Variants in BCAT1 observed in about 807,000 individuals in gnomAD.
BCAT1 encodes the protein branched chain amino acid transaminase 1.
A neutral mutation model predicts 52.4 loss-of-function variants in BCAT1; 48 were observed. The observed-to-expected ratio is 0.92, with a 90% CI of 0.73 to 1.16. The LOEUF (loss-of-function observed/expected upper bound fraction) is 1.16, where lower values mean the gene tolerates loss of function less well. Among genes scored for constraint, BCAT1 ranks in the 50% most tolerant of loss-of-function variants. The probability of loss-of-function intolerance (pLI) is 0.00; values close to 1 mark genes in which losing one functional copy is unlikely to be tolerated. For synonymous variants in BCAT1, 167 were observed against 161.3 expected, an observed-to-expected ratio of 1.04 and a Z score of -0.27; for missense variants, 451 against 457.1, an observed-to-expected ratio of 0.99 and a Z score of 0.12.
intron 1 of BCAT1, among the ~76,000 whole-genome samples, chr12:24,904,993 A>G (rs1478660384): frequency 6.6e-6 from 1 of 152,224 alleles, no homozygotes; most frequent in African/African-American, 2.4e-5. Context: ...CAGAAATCTG[A>G]AAGATTAAAG....
intron 4 of BCAT1, 132 bp from the exon 5 acceptor site, chr12:24,878,781 G>T: frequency 4.6e-6 from 4 of 868,654 alleles, no homozygotes; most frequent in Non-Finnish European, 6.6e-6. Context: ...AATGTTTGAG[G>T]TGATGGATAT....
At chr12:24,892,415 A>C (rs530787836) in intron 3 of BCAT1, among the ~76,000 whole-genome samples, 20 of 152,260 alleles carry the variant, frequency 1.3e-4, no homozygotes, top group East Asian at 1.9e-4. Context: ...CAATTCCCAA[A>C]ATGTGGTCCC....
chr12:24,918,446 T>A (rs780153657), intron 1 of BCAT1, among the ~76,000 whole-genome samples: 1 of 152,178 alleles, frequency 6.6e-6, no homozygotes, highest in Non-Finnish European at 1.5e-5. Flanking sequence ...CATATCCATA[T>A]AAATATAACT....
At position 24,903,092 on chromosome 12, in the gene BCAT1, T is replaced by C. The variant is rs1943161149; in HGVS notation, c.7-1207A>G. The C allele has an allele frequency of 2.9e-6, 4 of 1,368,728 alleles. No homozygotes were observed. The South Asian group carries it at 5.1e-5, about 17-fold the overall frequency. The allele number at this position is 1,368,728 out of a possible 1,614,324, so 84.8% of individuals were successfully genotyped here. On this transcript the variant is annotated intron_variant, in intron 1 of 10. Transcript: ENST00000261192. ...TGGCCAAGCCCCGGCGCACGGCCCA[T>C]AGGGCGCTGGGTACCACGACCTGGG...
chr12:24,836,902 G>GAA (rs1225066172), intron 7 of BCAT1, among the ~76,000 whole-genome samples: 1 of 20,194 alleles, frequency 5.0e-5, no homozygotes, highest in African/African-American at 1.9e-4. Context: ...AGAAAGAAAA[G>GAA]AAAGAGAGAA....
chr12:24,902,993 A>G, intron 1 of BCAT1: 2 of 1,465,856 alleles, frequency 1.4e-6, no homozygotes, highest in South Asian at 1.3e-5. Flanking sequence ...GGCCATGGGG[A>G]GGCTGCGGGG....
chr12:24,863,980 A>C (rs888295353), intron 5 of BCAT1, among the ~76,000 whole-genome samples: 35 of 152,182 alleles, frequency 2.3e-4, no homozygotes, highest in Non-Finnish European at 4.1e-4. Context: ...GAATGATTCC[A>C]AATCAGGAGT....
intron 5 of BCAT1, among the ~76,000 whole-genome samples, chr12:24,867,209 T>A (rs534114748): frequency 6.6e-6 from 1 of 151,954 alleles, no homozygotes; most frequent in South Asian, 2.1e-4. Flanking sequence ...AGGAACAAAC[T>A]CCAGACACGA....
intron 1 of BCAT1, among the ~76,000 whole-genome samples, chr12:24,924,775 T>C (rs1943554577): frequency 6.6e-6 from 1 of 152,220 alleles, no homozygotes; most frequent in South Asian, 2.1e-4. Context: ...AAATTATATA[T>C]GAACCAGATA....
At chr12:24,941,280 T>C (rs1943844318) in intron 1 of BCAT1, among the ~76,000 whole-genome samples, 1 of 152,224 alleles carries the variant, frequency 6.6e-6, no homozygotes, top group Non-Finnish European at 1.5e-5. Flanking sequence ...CTATATGAGT[T>C]TGGCAATGGG....
intron 6 of BCAT1, among the ~76,000 whole-genome samples, chr12:24,849,534 C>A (rs185962230): frequency 6.6e-6 from 1 of 152,226 alleles, no homozygotes; most frequent in African/African-American, 2.4e-5. Context: ...CAGTGTTTCT[C>A]CCTTACAAAG....
At chr12:24,840,936 G>C (rs538952417) in intron 7 of BCAT1, among the ~76,000 whole-genome samples, 2 of 152,030 alleles carry the variant, frequency 1.3e-5, no homozygotes, top group Admixed American at 6.5e-5. Context: ...CTAAAAATAC[G>C]CTTCTAAATT....
rs1193425549 is a variant in BCAT1 at position 24,816,338 on chromosome 12, G to A, written c.*1670C>T. ...ATGTTCAGCAAGAAGGAAGTTATGA[G>A]GACTGAGGGAAACCAAAATACAATG... is the stretch of plus-strand genomic sequence containing the variant. On this transcript the variant is annotated 3_prime_UTR_variant, in exon 11 of 11. Transcript: ENST00000261192. 1 of 394,616 alleles carries A rather than the reference G, an allele frequency of 2.5e-6. No homozygotes were observed. The highest frequency in any genetic ancestry group is 3.6e-5 in the East Asian group (1 of 27,928). The allele number at this position is 394,616 out of a possible 1,614,324, so 24.4% of individuals were successfully genotyped here. A position where few individuals can be genotyped will look rare whatever the true frequency, so the allele number is the denominator to read the frequency against.
intron 10 of BCAT1, among the ~76,000 whole-genome samples, chr12:24,821,127 AG>A (rs1483575213): frequency 1.3e-5 from 2 of 152,322 alleles, no homozygotes; most frequent in East Asian, 3.9e-4. Flanking sequence ...TTGGTAGGGA[AG>A]GGGGTGGAGC....
intron 1 of BCAT1, among the ~76,000 whole-genome samples, chr12:24,908,233 T>G (rs960513452): frequency 9.2e-5 from 14 of 152,206 alleles, no homozygotes; most frequent in Non-Finnish European, 1.9e-4. Flanking sequence ...TGTCTTCCCT[T>G]GTACAGTCAT....
upstream of BCAT1, chr12:24,949,193 G>A (rs1187789430): frequency 3.4e-5 from 18 of 535,102 alleles, no homozygotes. Context: ...CCCCCAGATG[G>A]TGGAGTCTCT....
chr12:24,834,916 G>T, intron 8 of BCAT1: 2 of 395,422 alleles, frequency 5.1e-6, no homozygotes, highest in Non-Finnish European at 7.0e-6. Context: ...AAATAGTGGT[G>T]ACCCCCTACA....
chr12:24,813,985 G>A lies in BCAT1; in HGVS notation c.*4023C>T, dbSNP rs1939783013. Reference sequence around the variant, plus strand: ...ACATTTATCAAATGAACTATTAATAGAGTCTTCATCATCTTTGCCAAGTAA... The same window carrying A: ...ACATTTATCAAATGAACTATTAATAAAGTCTTCATCATCTTTGCCAAGTAA... On this transcript the variant is annotated 3_prime_UTR_variant, in exon 11 of 11. Transcript: ENST00000261192. 6.6e-6 allele frequency: 1 copy of A among 152,048 alleles called. No homozygotes were observed. The highest frequency in any genetic ancestry group is 1.5e-5 in the Non-Finnish European group (1 of 67,966). The allele number at this position is 152,048 out of a possible 1,614,324, so 9.4% of individuals were successfully genotyped here.
intron 5 of BCAT1, among the ~76,000 whole-genome samples, chr12:24,853,811 C>T (rs1260961609): frequency 2.0e-5 from 3 of 152,018 alleles, no homozygotes; most frequent in Non-Finnish European, 4.4e-5. Context: ...CTTATAAACA[C>T]TTTAACACTT....
Sources: gnomAD v4.1 joint callset for allele counts (sites outside exome capture counted in the v4.1 genomes callset) on GRCh38, gnomAD v4.1.1 for gene constraint, MANE v1.5 for transcripts, NCBI Gene and HGNC (gene_info 2026-07-23, HGNC 2026-07-21) for gene names.